The following SLC16A7 variants were observed in gnomAD, a reference collection of about 807,000 sequenced individuals.
The protein encoded by SLC16A7 is solute carrier family 16 member 7.
A neutral mutation model predicts 34.9 loss-of-function variants in SLC16A7; 33 were observed. That is an observed-to-expected ratio of 0.94 (90% confidence interval 0.72 to 1.26). The LOEUF is 1.26. SLC16A7 is among the 50% of genes most tolerant of loss of function. The probability of loss-of-function intolerance (pLI) is 0.00; values close to 1 mark genes in which losing one functional copy is unlikely to be tolerated. For synonymous variants in SLC16A7, 201 were observed against 206.6 expected, an observed-to-expected ratio of 0.97 and a Z score of 0.23; for missense variants, 573 against 578.1, an observed-to-expected ratio of 0.99 and a Z score of 0.09.
At chr12:59,653,827 C>A (rs1026204571) in intron 1 of SLC16A7, among the ~76,000 whole-genome samples, 1 of 151,590 alleles carries the variant, frequency 6.6e-6, no homozygotes, top group African/African-American at 2.4e-5. Context: ...ATCGAAATGA[C>A]CTCAGACTAT....
intron 5 of SLC16A7, among the ~76,000 whole-genome samples, chr12:59,777,249 G>A (rs1465005101): frequency 6.6e-6 from 1 of 152,156 alleles, no homozygotes; most frequent in Non-Finnish European, 1.5e-5. Context: ...GAAACTCTCA[G>A]ACTGTAGCCA....
chr12:59,771,194 T>C, intron 3 of SLC16A7, 25 bp from the exon 4 acceptor site: 1 of 1,595,006 alleles, frequency 6.3e-7, no homozygotes, highest in Non-Finnish European at 8.5e-7. Context: ...CAACTGAGTA[T>C]TTCTTTATCT....
chr12:59,761,716 A>C (rs929511107), intron 3 of SLC16A7, among the ~76,000 whole-genome samples: 2 of 152,090 alleles, frequency 1.3e-5, no homozygotes, highest in African/African-American at 2.4e-5. Context: ...AAACAGGAGT[A>C]AATGGCTGAG....
In SLC16A7 at chr12:59,741,252, A is replaced by C. The variant is rs1878301445; in HGVS notation, c.218-29967A>C. On this transcript the variant is annotated intron_variant, in intron 3 of 5. Transcript: ENST00000547379. Reference sequence around the variant, plus strand: ...GAACCCAAAAAGAGCCCGCATCGCCAAGTCAATCCTAAGCCTATCCTCAAA... The same window carrying C: ...GAACCCAAAAAGAGCCCGCATCGCCCAGTCAATCCTAAGCCTATCCTCAAA... Among the ~76,000 whole-genome samples, 4 of 152,352 alleles carry C rather than the reference A, an allele frequency of 2.6e-5. No individual in the cohort carries two copies. The South Asian group carries it at 8.3e-4, about 32-fold the overall frequency.
chr12:59,703,810 A>C (rs1328636947), intron 2 of SLC16A7, among the ~76,000 whole-genome samples: 2 of 152,164 alleles, frequency 1.3e-5, no homozygotes, highest in Admixed American at 6.5e-5. Context: ...TCTATGAGGC[A>C]AGGGTTATGT....
chr12:59,629,080 G>C (rs904270067), intron 1 of SLC16A7, among the ~76,000 whole-genome samples: 4 of 151,720 alleles, frequency 2.6e-5, no homozygotes, highest in African/African-American at 9.7e-5. Flanking sequence ...CCATCTTCTT[G>C]CTGTCCTCAC....
In SLC16A7 at chr12:59,710,098, T is replaced by C. The variant is rs147145831; in HGVS notation, c.217+5080T>C. ...ATGAGATAGCCTTAGTCAATTTAGC[T>C]TATATTATATCATGAAATGTACAAG... is the stretch of plus-strand genomic sequence containing the variant. On this transcript the variant is annotated intron_variant, in intron 3 of 5. Coordinates refer to ENST00000547379, the MANE Select transcript of SLC16A7 (RefSeq NM_001270623.2). Among the ~76,000 whole-genome samples, 221 of 151,780 alleles carry C rather than the reference T, an allele frequency of 1.5e-3. 9 individuals are homozygous for C. Among genetic ancestry groups the C allele is most frequent in the Middle Eastern group, 6.8e-3 (2 of 294 alleles).
At position 59,774,779 on chromosome 12, in the gene SLC16A7, G is replaced by C. The variant is rs978069519; in HGVS notation, c.484G>C (p.Ala162Pro). 2.5e-6 allele frequency: 4 copies of C among 1,613,834 alleles called. No individual in the cohort carries two copies. Among genetic ancestry groups the C allele is most frequent in the Middle Eastern group, 1.6e-4 (1 of 6,062 alleles). The change falls in exon 5 of 6, where the codon GCT becomes CCT. Residue 162 changes from alanine (A) to proline (P), a missense_variant. By Grantham distance (27) the Ala-to-Pro change is conservative. Transcript: ENST00000547379. ...AGSPVFLSSLAPFNQYLFNTF... is the reference protein window; with the variant it reads ...AGSPVFLSSLPPFNQYLFNTF... Reference sequence around the variant, plus strand: ...AAGTCCTGTTTTCTTAAGTTCATTGGCTCCTTTCAATCAGTACCTTTTTAA... The same window carrying C: ...AAGTCCTGTTTTCTTAAGTTCATTGCCTCCTTTCAATCAGTACCTTTTTAA...
intron 3 of SLC16A7, among the ~76,000 whole-genome samples, chr12:59,721,137 A>G (rs949647448): frequency 1.3e-5 from 2 of 151,968 alleles, no homozygotes; most frequent in Non-Finnish European, 2.9e-5. Context: ...ACTCTAGTCC[A>G]GTCTCTCTCT....
chr12:59,686,635 A>G lies in SLC16A7; in HGVS notation c.-30-18137A>G, dbSNP rs893834109. ...TTTAGTTCCAGTTAATACAAATAAT[A>G]GTACCATCGGTTCTTTATAAAAGAC... is the stretch of plus-strand genomic sequence containing the variant. On this transcript the variant is annotated intron_variant, in intron 2 of 5. Transcript: ENST00000547379. Among the ~76,000 whole-genome samples, 13 of 152,280 alleles carry G rather than the reference A, an allele frequency of 8.5e-5. 1 individual carries two copies. Among genetic ancestry groups the G allele is most frequent in the Middle Eastern group, 3.4e-3 (1 of 294 alleles).
At chr12:59,671,881 G>GTATATATGTATATATGTGTATATA (rs1565640728) in intron 2 of SLC16A7, among the ~76,000 whole-genome samples, 1 of 98,362 alleles carries the variant, frequency 1.0e-5, no homozygotes, top group African/African-American at 3.7e-5. Flanking sequence ...GTGTATATAT[G>GTATATATGTATATATGTGTATATA]TATATATGTA....
intron 1 of SLC16A7, among the ~76,000 whole-genome samples, chr12:59,641,240 ATTC>A (rs1439587243): frequency 2.0e-5 from 3 of 152,038 alleles, no homozygotes; most frequent in African/African-American, 7.2e-5. Flanking sequence ...ACCATGTCTT[ATTC>A]TTATAATCCT....
rs1882584884 is a variant in SLC16A7, at chr12:59,774,865, G to A, written c.570G>A (p.Val190=). ...ILGSLLLNAC[V]AGSLMRPLGP... is the part of the protein sequence containing the mutation. ...GAAGTCTACTTTTGAATGCCTGTGT[G>A]GCTGGTTCCCTCATGAGACCCCTTG... Residue 190 remains valine (V), a synonymous_variant, in exon 5 of 6, where the codon GTG becomes GTA. Transcript: ENST00000547379. 1 of 1,613,876 alleles carries A rather than the reference G, an allele frequency of 6.2e-7. No individual in the cohort carries two copies. The highest frequency in any genetic ancestry group is 1.7e-4 in the Middle Eastern group (1 of 6,060).
At chr12:59,761,237 T>C (rs1423940453) in intron 3 of SLC16A7, 6 of 899,636 alleles carry the variant, frequency 6.7e-6, no homozygotes, top group Non-Finnish European at 9.3e-6. Context: ...ACTTGGTTGA[T>C]AAGATTTAGA....
chr12:59,775,177 G>A lies in SLC16A7; in HGVS notation c.882G>A (p.Met294Ile), dbSNP rs1268960790. 4 of 1,613,968 alleles carry A rather than the reference G, an allele frequency of 2.5e-6. No homozygotes were observed. Among genetic ancestry groups the A allele is most frequent in the Non-Finnish European group, 3.4e-6 (4 of 1,180,014 alleles). ...TATCTGTTATGGCTTTCGTTGATAT[G>A]TTTGCTAGGCCTTCTGTAGGATTAA... ...FLLSVMAFVD[M>I]FARPSVGLIA... Residue 294 changes from methionine to isoleucine, a missense_variant, in exon 5 of 6, where the codon ATG becomes ATA. Transcript: ENST00000547379.
At chr12:59,776,491 G>A (rs184861801) in intron 5 of SLC16A7, among the ~76,000 whole-genome samples, 2 of 152,240 alleles carry the variant, frequency 1.3e-5, no homozygotes, top group African/African-American at 2.4e-5. Context: ...GGTTAATACC[G>A]GACTTAAGTA....
chr12:59,667,038 C>T (rs534721023), intron 2 of SLC16A7, among the ~76,000 whole-genome samples: 5 of 152,238 alleles, frequency 3.3e-5, no homozygotes, highest in African/African-American at 1.2e-4. Flanking sequence ...GTGAAAGGCA[C>T]TTCTTACATG....
intron 1 of SLC16A7, among the ~76,000 whole-genome samples, chr12:59,598,940 G>C (rs924966717): frequency 6.6e-6 from 1 of 152,184 alleles, no homozygotes. Flanking sequence ...AGGTGGATCT[G>C]TCCATATCCA....
chr12:59,707,995 C>T (rs1369300745), intron 3 of SLC16A7, among the ~76,000 whole-genome samples: 1 of 152,116 alleles, frequency 6.6e-6, no homozygotes, highest in African/African-American at 2.4e-5. Flanking sequence ...TACACGTTTA[C>T]ATAGTTTGTT....
Sources: allele counts gnomAD v4.1 joint callset (sites outside exome capture counted in the v4.1 genomes callset), GRCh38; gene constraint gnomAD v4.1.1; transcripts MANE v1.5; gene names NCBI Gene and HGNC (gene_info 2026-07-23, HGNC 2026-07-21).